C2CD5: variants seen among roughly 807,000 people sequenced by gnomAD.
C2CD5 encodes the protein C2 domain-containing protein 5.
A neutral mutation model predicts 130.3 loss-of-function variants in C2CD5; 109 were observed. The ratio of observed to expected loss-of-function variants is 0.84; its 90% CI spans 0.72 to 0.98. The LOEUF (loss-of-function observed/expected upper bound fraction) is 0.98. Among genes scored for constraint, C2CD5 ranks in the 50% least tolerant of loss-of-function variants. The pLI, the probability that C2CD5 is intolerant of heterozygous loss-of-function variation, is 0.00. For missense variants in C2CD5, 996 were observed against 1,261.8 expected (o/e 0.79, Z 3.19); for synonymous variants, 454 against 429.2 (o/e 1.06, Z -0.71).
chr12:22,514,242 A>C (rs1384365881), intron 8 of C2CD5, among the ~76,000 whole-genome samples: 6 of 152,286 alleles, frequency 3.9e-5, no homozygotes. Context: ...ATACAGCCAA[A>C]TTTACCACAA....
intron 7 of C2CD5, 53 bp from the exon 8 acceptor site, chr12:22,518,190 C>G (rs929407631): frequency 3.3e-6 from 5 of 1,535,416 alleles, no homozygotes; most frequent in African/African-American, 2.7e-5. Context: ...AAGGACTTGA[C>G]AGGTGGCAGC....
At chr12:22,489,866 C>G (rs564891696) in intron 12 of C2CD5, among the ~76,000 whole-genome samples, 1 of 151,896 alleles carries the variant, frequency 6.6e-6, no homozygotes, top group Non-Finnish European at 1.5e-5. Context: ...AAAATGGACA[C>G]CTGAAATTCT....
intron 8 of C2CD5, chr12:22,514,948 T>G (rs77750151): frequency 1.0e-6 from 1 of 982,274 alleles, no homozygotes; most frequent in African/African-American, 1.7e-5. Flanking sequence ...GCTGACATAA[T>G]GTGATCCTAC....
At position 22,474,958 on chromosome 12, in the gene C2CD5, A is replaced by T. The variant is rs866671054; in HGVS notation, c.1903-67T>A. 3 of 1,062,550 alleles carry T rather than the reference A, an allele frequency of 2.8e-6. No homozygotes were observed. The East Asian group carries it at 8.5e-5, about 30-fold the overall frequency. 65.8% of individuals were successfully genotyped at this position (1,062,550 alleles called of 1,614,324 possible). Reference sequence around the variant, plus strand: ...TTTCCAGTTTAAATTTTACATCTTTATATTAGTAGACACCTACCTGTGGAG... The same window carrying T: ...TTTCCAGTTTAAATTTTACATCTTTTTATTAGTAGACACCTACCTGTGGAG... On this transcript the variant is annotated intron_variant, in intron 15 of 26. Coordinates refer to ENST00000446597, the MANE Select transcript of C2CD5 (RefSeq NM_001286176.2).
chr12:22,518,964 C>T (rs1591959215), intron 7 of C2CD5: 4 of 593,530 alleles, frequency 6.7e-6, no homozygotes, highest in African/African-American at 3.7e-5. Flanking sequence ...CAGCTAAATA[C>T]AGAAGTTCCT....
chr12:22,490,271 G>T, intron 11 of C2CD5, 53 bp from the exon 12 acceptor site: 2 of 1,227,142 alleles, frequency 1.6e-6, no homozygotes, highest in Non-Finnish European at 2.4e-6. Context: ...GTATAACTTT[G>T]GGAAATGCTA....
intron 2 of C2CD5, among the ~76,000 whole-genome samples, chr12:22,539,008 A>G (rs1952086056): frequency 6.6e-6 from 1 of 152,084 alleles, no homozygotes; most frequent in South Asian, 2.1e-4. Context: ...TTAGCACACA[A>G]ATAGGTTCTG....
intron 22 of C2CD5, among the ~76,000 whole-genome samples, chr12:22,460,338 T>G (rs546383174): frequency 6.6e-6 from 1 of 152,350 alleles, no homozygotes; most frequent in Admixed American, 6.5e-5. Flanking sequence ...AGAATAGTCC[T>G]GCCAATTTAG....
chr12:22,471,215 C>T (rs1466857070), intron 20 of C2CD5, among the ~76,000 whole-genome samples, 184 bp downstream of exon 20: 4 of 151,896 alleles, frequency 2.6e-5, no homozygotes, highest in Non-Finnish European at 4.4e-5. Context: ...GTGCTTACCC[C>T]CTCAGATAAC....
intron 2 of C2CD5, among the ~76,000 whole-genome samples, chr12:22,542,137 TC>T (rs1952451893): frequency 6.6e-6 from 1 of 152,326 alleles, no homozygotes; most frequent in East Asian, 1.9e-4. Context: ...TTAACTGATC[TC>T]CCTGCCACAC....
chr12:22,449,730 T>G lies in C2CD5; in HGVS notation c.*30A>C, dbSNP rs529457064. 1 of 1,532,064 alleles carries G rather than the reference T, an allele frequency of 6.5e-7. No individual in the cohort carries two copies. Among genetic ancestry groups the G allele is most frequent in the Admixed American group, 1.7e-5 (1 of 58,134 alleles). The allele number at this position is 1,532,064 out of a possible 1,614,324, so 94.9% of individuals were successfully genotyped here. On this transcript the variant is annotated 3_prime_UTR_variant, in exon 27 of 27. Coordinates refer to ENST00000446597, the MANE Select transcript of C2CD5 (RefSeq NM_001286176.2). ...AAATAACAGAGATTGATGAATTTCA[T>G]TTAGTTGAGCTCTTTTTTCCTAATT...
intron 9 of C2CD5, among the ~76,000 whole-genome samples, chr12:22,510,977 T>TTAAA (rs1167560275): frequency 6.6e-6 from 1 of 152,056 alleles, no homozygotes; most frequent in Non-Finnish European, 1.5e-5. Flanking sequence ...AATTAATTAA[T>TTAAA]TAAATATCTA....
intron 12 of C2CD5, among the ~76,000 whole-genome samples, chr12:22,488,821 G>C (rs1202966047): frequency 6.6e-6 from 1 of 150,578 alleles, no homozygotes; most frequent in Non-Finnish European, 1.5e-5. Context: ...GAATATCTTA[G>C]TTATAAATGC....
rs1227578048 is a variant in C2CD5 at position 22,544,408 on chromosome 12, C to T, written c.-118G>A. On this transcript the variant is annotated 5_prime_UTR_variant, in exon 1 of 27. Coordinates refer to ENST00000446597, the MANE Select transcript of C2CD5 (RefSeq NM_001286176.2). The stretch of plus-strand genomic sequence containing the variant: ...GAGGAAGGGCTTTGATGGGTTCTTC[C>T]GTCCCGGCCCCACAAGGCTGGGACG... 5.5e-6 allele frequency: 2 copies of T among 363,140 alleles called. No homozygotes were observed. The highest frequency in any genetic ancestry group is 5.4e-5 in the East Asian group (1 of 18,530). 22.5% of individuals were successfully genotyped at this position (363,140 alleles called of 1,614,324 possible).
At chr12:22,519,175 C>A (rs1667728246) in intron 7 of C2CD5, 1 of 1,535,690 alleles carries the variant, frequency 6.5e-7, no homozygotes, top group Non-Finnish European at 8.7e-7. Flanking sequence ...GAGCCAGTAG[C>A]AGTGTGAATT....
At chr12:22,486,570 A>C (rs1333005626) in intron 12 of C2CD5, among the ~76,000 whole-genome samples, 1 of 152,150 alleles carries the variant, frequency 6.6e-6, no homozygotes, top group Non-Finnish European at 1.5e-5. Context: ...TAACCTGTGC[A>C]TTTAGGTTAT....
intron 12 of C2CD5, among the ~76,000 whole-genome samples, chr12:22,489,028 A>G (rs1945990935): frequency 6.6e-6 from 1 of 151,636 alleles, no homozygotes; most frequent in Admixed American, 6.6e-5. Context: ...GGCGCCCACC[A>G]TCACACCAGG....
chr12:22,513,200 A>G, intron 9 of C2CD5, 94 bp downstream of exon 9: 1 of 921,352 alleles, frequency 1.1e-6, no homozygotes, highest in Non-Finnish European at 1.7e-6. Context: ...ATATGTAACC[A>G]AAACAGTTCA....
intron 3 of C2CD5, among the ~76,000 whole-genome samples, chr12:22,532,298 C>A (rs2137178002): frequency 6.6e-6 from 1 of 151,036 alleles, no homozygotes; most frequent in East Asian, 1.9e-4. Context: ...CCATTGCCCT[C>A]CAGCCTGGGC....
Sources: gnomAD v4.1 joint callset for allele counts (sites outside exome capture counted in the v4.1 genomes callset) on GRCh38, gnomAD v4.1.1 for gene constraint, MANE v1.5 for transcripts, NCBI Gene and HGNC (gene_info 2026-07-23, HGNC 2026-07-21) for gene names.